The following MAML2 variants were observed in gnomAD, a reference collection of about 807,000 sequenced individuals.
MAML2 encodes mastermind like transcriptional coactivator 2.
MAML2 carries 22 observed loss-of-function variants against 96.1 expected under a neutral mutation model. The observed-to-expected ratio is 0.23, with a 90% CI of 0.16 to 0.33. MAML2 has a LOEUF of 0.33. Among genes scored for constraint, MAML2 ranks in the 10% least tolerant of loss-of-function variants. MAML2 has a pLI of 1.00. For synonymous variants in MAML2, 561 were observed against 521.3 expected (o/e 1.08, Z -1.04); for missense variants, 1,367 against 1,392.4 (o/e 0.98, Z 0.29).
intron 4 of MAML2, among the ~76,000 whole-genome samples, chr11:95,982,454 T>C (rs1303211186): frequency 1.3e-5 from 2 of 152,194 alleles, no homozygotes; most frequent in Non-Finnish European, 2.9e-5. Flanking sequence ...AGATTTCTTT[T>C]CTTTCCTCTT....
chr11:96,261,416 A>G (rs1397396634), intron 1 of MAML2, among the ~76,000 whole-genome samples: 1 of 152,222 alleles, frequency 6.6e-6, no homozygotes. Flanking sequence ...AGCAAAAGAA[A>G]ACAAACTAAG....
At chr11:95,995,883 C>A (rs374166371) in intron 2 of MAML2, among the ~76,000 whole-genome samples, 1 of 152,120 alleles carries the variant, frequency 6.6e-6, no homozygotes, top group Non-Finnish European at 1.5e-5. Context: ...CTACACATAC[C>A]ACACACTCCA....
At chr11:96,279,802 C>T (rs1476926769) in intron 1 of MAML2, among the ~76,000 whole-genome samples, 1 of 152,172 alleles carries the variant, frequency 6.6e-6, no homozygotes, top group Non-Finnish European at 1.5e-5. Flanking sequence ...ACTCATGTAC[C>T]TCACCATGCA....
At chr11:96,299,357 G>C in intron 1 of MAML2, among the ~76,000 whole-genome samples, 1 of 151,360 alleles carries the variant, frequency 6.6e-6, no homozygotes, top group Non-Finnish European at 1.5e-5. Flanking sequence ...CAGTTGGCAA[G>C]CAGAAGGCAG....
intron 2 of MAML2, among the ~76,000 whole-genome samples, chr11:96,020,863 T>C (rs775671042): frequency 6.6e-6 from 1 of 152,188 alleles, no homozygotes; most frequent in Non-Finnish European, 1.5e-5. Context: ...CTGAATTACC[T>C]TTAAGTCACG....
chr11:96,060,167 C>T (rs142363183), intron 2 of MAML2, among the ~76,000 whole-genome samples: 295 of 152,224 alleles, frequency 1.9e-3, no homozygotes, highest in African/African-American at 6.7e-3. Context: ...TTTATGTGTT[C>T]AAGTTGAAAA....
At chr11:96,005,984 T>A (rs1858172978) in intron 2 of MAML2, among the ~76,000 whole-genome samples, 1 of 151,884 alleles carries the variant, frequency 6.6e-6, no homozygotes, top group Non-Finnish European at 1.5e-5. Flanking sequence ...CATGGGAATC[T>A]AGGTGCACAA....
At chr11:96,201,223 T>A (rs1228210989) in intron 1 of MAML2, among the ~76,000 whole-genome samples, 1 of 152,058 alleles carries the variant, frequency 6.6e-6, no homozygotes, top group Admixed American at 6.6e-5. Flanking sequence ...TAGACTCAAA[T>A]ATTTACAAAG....
intron 1 of MAML2, among the ~76,000 whole-genome samples, chr11:96,194,779 G>A (rs573424): frequency 0.75 from 113,500 of 152,072 alleles, 42,963 homozygotes; most frequent in Middle Eastern, 0.9. Flanking sequence ...GGAAGAAAAG[G>A]CACCACCGAA....
chr11:96,269,646 G>A lies in MAML2; in HGVS notation c.513+71737C>T, dbSNP rs181679848. 2.8e-5 allele frequency among the ~76,000 whole-genome samples: 4 copies of A among 143,984 alleles called. No individual in the cohort carries two copies. The East Asian group carries it at 6.1e-4, about 22-fold the overall frequency. 94.5% of individuals were successfully genotyped at this position (143,984 alleles called of 152,430 possible). The stretch of plus-strand genomic sequence containing the variant: ...ATGCCTCAGCCTCCTGAGTAGCTGG[G>A]ATTACAGGTCCATGCCACTATACTC... On this transcript the variant is annotated intron_variant, in intron 1 of 4. Transcript: ENST00000524717.
At chr11:96,155,509 A>AATAAATATATAT (rs541216405) in intron 1 of MAML2, among the ~76,000 whole-genome samples, 1 of 74,848 alleles carries the variant, frequency 1.3e-5, no homozygotes, top group African/African-American at 6.1e-5. Context: ...TAACAATTCA[A>AATAAATATATAT]ATATATATAT....
At chr11:96,008,448 T>C (rs766808231) in intron 2 of MAML2, among the ~76,000 whole-genome samples, 7 of 152,208 alleles carry the variant, frequency 4.6e-5, no homozygotes, top group Non-Finnish European at 7.4e-5. Flanking sequence ...TTTAAAATGA[T>C]ATACATTTGG....
chr11:95,997,466 A>C (rs1858010289), intron 2 of MAML2, among the ~76,000 whole-genome samples: 1 of 152,176 alleles, frequency 6.6e-6, no homozygotes, highest in Admixed American at 6.6e-5. Context: ...TCTTTTTATA[A>C]GGTTCAATCA....
At chr11:96,332,333 A>T (rs544842435) in intron 1 of MAML2, among the ~76,000 whole-genome samples, 1 of 152,334 alleles carries the variant, frequency 6.6e-6, no homozygotes, top group East Asian at 1.9e-4. Context: ...TCGCTCTCTC[A>T]GAAAGATATT....
chr11:96,083,830 T>C (rs1859564619), intron 2 of MAML2, among the ~76,000 whole-genome samples: 1 of 151,908 alleles, frequency 6.6e-6, no homozygotes, highest in Admixed American at 6.6e-5. Context: ...TTGGGGGAGA[T>C]TCACAAGAAC....
rs555389726 is a variant in MAML2 at position 96,100,432 on chromosome 11, C to T, written c.514-6915G>A. ...TCATGTGATTCTCCTGCCTCAGCCT[C>T]CCGAGTAGCTGGGATTAAAGGTGTG... On this transcript the variant is annotated intron_variant, in intron 1 of 4. Coordinates refer to ENST00000524717, the MANE Select transcript of MAML2 (RefSeq NM_032427.4). 6.3e-4 allele frequency among the ~76,000 whole-genome samples: 96 copies of T among 151,982 alleles called. 1 individual carries two copies. Among genetic ancestry groups the T allele is most frequent in the Middle Eastern group, 3.4e-3 (1 of 292 alleles).
intron 1 of MAML2, among the ~76,000 whole-genome samples, chr11:96,221,500 C>T (rs1293150654): frequency 6.6e-6 from 1 of 152,084 alleles, no homozygotes; most frequent in Admixed American, 6.6e-5. Context: ...AGGTTAGAGA[C>T]CCCACCTTTA....
chr11:96,057,581 G>C (rs750898469), intron 2 of MAML2, among the ~76,000 whole-genome samples: 1 of 152,148 alleles, frequency 6.6e-6, no homozygotes, highest in Non-Finnish European at 1.5e-5. Context: ...AAGTATGCCA[G>C]TTTTATAGTT....
intron 2 of MAML2, among the ~76,000 whole-genome samples, chr11:95,995,005 T>C (rs1857970388): frequency 6.6e-6 from 1 of 152,208 alleles, no homozygotes; most frequent in Non-Finnish European, 1.5e-5. Flanking sequence ...ACAGTATGGA[T>C]GTCACAGTTT....
Sources: allele counts gnomAD v4.1 joint callset (sites outside exome capture counted in the v4.1 genomes callset), GRCh38; gene constraint gnomAD v4.1.1; transcripts MANE v1.5; gene names NCBI Gene and HGNC (gene_info 2026-07-23, HGNC 2026-07-21).